The following CEP120 variants were observed in gnomAD, a reference collection of about 807,000 sequenced individuals.
CEP120 encodes the protein centrosomal protein 120.
Under a neutral mutation model 126.5 loss-of-function variants are expected in CEP120, and 113 were observed. The ratio of observed to expected loss-of-function variants is 0.89; its 90% CI spans 0.77 to 1.04. The LOEUF (loss-of-function observed/expected upper bound fraction) is 1.04, where lower values mean the gene tolerates loss of function less well. Among genes scored for constraint, CEP120 ranks in the 50% least tolerant of loss-of-function variants. The pLI, the probability that CEP120 is intolerant of heterozygous loss-of-function variation, is 0.00. For missense variants in CEP120, 1,230 were observed against 1,155.7 expected (o/e 1.06, Z -0.93); for synonymous variants, 400 against 394.3 (o/e 1.01, Z -0.17).
At chr5:123,401,968 G>A (rs1378553440) in intron 4 of CEP120, 11 of 1,598,752 alleles carry the variant, frequency 6.9e-6, no homozygotes, top group Non-Finnish European at 9.4e-6. Flanking sequence ...TGCTGCTGCA[G>A]GAGGCTCCAC....
At chr5:123,353,471 C>G (rs1769347099) in intron 18 of CEP120, among the ~76,000 whole-genome samples, 1 of 150,908 alleles carries the variant, frequency 6.6e-6, no homozygotes, top group Admixed American at 6.6e-5. Context: ...TTAATTTTGT[C>G]CTTGTAAGCT....
intron 17 of CEP120, among the ~76,000 whole-genome samples, chr5:123,370,760 T>C (rs1397377769): frequency 6.8e-6 from 1 of 147,890 alleles, no homozygotes; most frequent in South Asian, 2.1e-4. Context: ...ATATATATTT[T>C]ATATATATAT....
chr5:123,384,432 C>G (rs905964161), intron 11 of CEP120, among the ~76,000 whole-genome samples: 1 of 151,786 alleles, frequency 6.6e-6, no homozygotes, highest in Non-Finnish European at 1.5e-5. Flanking sequence ...TAAAAAAACG[C>G]AAGTTTTTCT....
rs746550279 is a variant in CEP120 at position 123,350,020 on chromosome 5, A to G, written c.2650T>C (p.Tyr884His). Residue 884 changes from tyrosine (Y) to histidine (H), a missense_variant, in exon 19 of 20, where the codon TAC (tyrosine) becomes CAC (histidine). Transcript: ENST00000306467. ...GTATCTTTTTCCTCAGCGGCAAGGTAACGTAGTCTCATCTGTTCCAATTCT... is the reference window on the plus strand; with the variant it reads ...GTATCTTTTTCCTCAGCGGCAAGGTGACGTAGTCTCATCTGTTCCAATTCT... ...QEELEQMRLR[Y>H]LAAEEKDTVK... 4 of 1,613,628 alleles carry G rather than the reference A, an allele frequency of 2.5e-6. No individual in the cohort carries two copies. In the Admixed American group the frequency reaches 6.7e-5, roughly 27 times the overall value.
chr5:123,396,424 G>A (rs971261979), intron 5 of CEP120, among the ~76,000 whole-genome samples: 1 of 150,850 alleles, frequency 6.6e-6, no homozygotes, highest in African/African-American at 2.4e-5. Flanking sequence ...ATCAACCTGT[G>A]TGTTTTTTTT....
intron 5 of CEP120, among the ~76,000 whole-genome samples, chr5:123,394,027 G>A (rs1296927732): frequency 6.6e-6 from 1 of 152,188 alleles, no homozygotes; most frequent in Non-Finnish European, 1.5e-5. Flanking sequence ...TGTACTATGA[G>A]TGTTACTTTT....
chr5:123,385,151 A>G lies in CEP120; in HGVS notation c.1581-18T>C, dbSNP rs999646323. On this transcript the variant is annotated intron_variant, in intron 10 of 19. Coordinates refer to ENST00000306467, the MANE Select transcript of CEP120 (RefSeq NM_001375405.1). Reference sequence around the variant, plus strand: ...ATGGAATCCTAAGGAAGAGAGAAACATGTGTTCATACCTATCAACTCTGAC... The same window carrying G: ...ATGGAATCCTAAGGAAGAGAGAAACGTGTGTTCATACCTATCAACTCTGAC... 6.3e-7 allele frequency: 1 copy of G among 1,597,320 alleles called. No individual in the cohort carries two copies. The highest frequency in any genetic ancestry group is 1.1e-5 in the South Asian group (1 of 89,324).
In CEP120 at chr5:123,382,201, C is replaced by A; in HGVS notation, c.2014-1G>T. The A allele has an allele frequency of 6.3e-7, 1 of 1,595,380 alleles. No individual in the cohort carries two copies. Among genetic ancestry groups the A allele is most frequent in the Non-Finnish European group, 8.5e-7 (1 of 1,171,388 alleles). Reference sequence around the variant, plus strand: ...TATGAGCCAGTTCTTTCTGCTTCAGCTACAAAAGGAAGAAAAATAAAGTCG... The same window carrying A: ...TATGAGCCAGTTCTTTCTGCTTCAGATACAAAAGGAAGAAAAATAAAGTCG... On this transcript the variant is annotated splice_acceptor_variant, in intron 13 of 19. Coordinates refer to ENST00000306467, the MANE Select transcript of CEP120 (RefSeq NM_001375405.1). LOFTEE classifies it high-confidence loss of function.
At chr5:123,355,183 C>T (rs1048222218) in intron 18 of CEP120, among the ~76,000 whole-genome samples, 4 of 152,234 alleles carry the variant, frequency 2.6e-5, no homozygotes, top group Non-Finnish European at 4.4e-5. Flanking sequence ...TCCAGTCTAT[C>T]GTTGTTGGAC....
In CEP120 at chr5:123,377,371, A is replaced by C. The variant is rs373782883; in HGVS notation, c.2358+3T>G. ...TAAAAAGATGACAAGTACGTTATCC[A>C]ACCTGTTGCTGAAGGCGGTGTTTAT... On this transcript the variant is annotated splice_donor_region_variant and intron_variant, in intron 16 of 19. Coordinates refer to ENST00000306467, the MANE Select transcript of CEP120 (RefSeq NM_001375405.1). 41 of 1,605,614 alleles carry C rather than the reference A, an allele frequency of 2.6e-5. 1 individual carries two copies. In the Middle Eastern group the frequency reaches 1.3e-3, roughly 52 times the overall value.
At chr5:123,372,838 A>G in intron 16 of CEP120, 66 bp from the exon 17 acceptor site, 2 of 1,323,162 alleles carry the variant, frequency 1.5e-6, no homozygotes, top group Non-Finnish European at 2.1e-6. Flanking sequence ...AAAGTATTCA[A>G]TTCAACAAGG....
intron 5 of CEP120, among the ~76,000 whole-genome samples, chr5:123,397,052 G>A (rs1772839408): frequency 6.6e-6 from 1 of 152,256 alleles, no homozygotes; most frequent in African/African-American, 2.4e-5. Context: ...AGCTGGGCAT[G>A]GTGGCTCATG....
intron 18 of CEP120, among the ~76,000 whole-genome samples, chr5:123,361,066 C>T (rs1484694874): frequency 3.3e-5 from 5 of 151,624 alleles, no homozygotes; most frequent in South Asian, 2.1e-4. Context: ...AGAGAAAATG[C>T]CCTAACCAAT....
upstream of CEP120, chr5:123,423,440 C>G (rs1774861319): frequency 5.6e-6 from 1 of 178,678 alleles, no homozygotes; most frequent in Non-Finnish European, 1.2e-5. Context: ...CTAGAACGCC[C>G]GTCAGCGAGC....
rs375395610 is a variant in CEP120 at position 123,350,303 on chromosome 5, T to A, written c.2581-214A>T. On this transcript the variant is annotated intron_variant, in intron 18 of 19. Transcript: ENST00000306467. The stretch of plus-strand genomic sequence containing the variant: ...AACGAAGCACACTACAGCCACAGAC[T>A]ACTAGGTTCAAGCAATCCTCCTGCT... Among the ~76,000 whole-genome samples the A allele has an allele frequency of 3.9e-5, 6 of 152,214 alleles. No individual in the cohort carries two copies. In the East Asian group the frequency reaches 9.7e-4, roughly 25 times the overall value.
At chr5:123,414,475 T>G (rs536824959) in intron 3 of CEP120, among the ~76,000 whole-genome samples, 4 of 152,154 alleles carry the variant, frequency 2.6e-5, no homozygotes, top group African/African-American at 4.8e-5. Context: ...AAAATATTAG[T>G]AAAAGATAAG....
chr5:123,386,514 T>C lies in CEP120; in HGVS notation c.1580+4A>G. 6.5e-7 allele frequency: 1 copy of C among 1,543,504 alleles called. No individual in the cohort carries two copies. Among genetic ancestry groups the C allele is most frequent in the South Asian group, 1.3e-5 (1 of 78,488 alleles). On this transcript the variant is annotated splice_donor_region_variant and intron_variant, in intron 10 of 19. Transcript: ENST00000306467. ...TAATATCATACATACACTGTATGCA[T>C]TACCTTAAGAAGGTGTCTTGCAGCT... is the stretch of plus-strand genomic sequence containing the variant.
At chr5:123,348,288 A>T (rs1210339378) in intron 19 of CEP120, among the ~76,000 whole-genome samples, 1 of 152,224 alleles carries the variant, frequency 6.6e-6, no homozygotes, top group Non-Finnish European at 1.5e-5. Flanking sequence ...ATTGTATATG[A>T]TCTACAAATT....
chr5:123,369,956 A>C (rs544587681), intron 17 of CEP120, among the ~76,000 whole-genome samples: 44 of 152,120 alleles, frequency 2.9e-4, no homozygotes, highest in Admixed American at 1.6e-3. Context: ...CAGCAACTTA[A>C]CATCTCAAAA....
Sources: gnomAD v4.1 joint callset for allele counts (sites outside exome capture counted in the v4.1 genomes callset) on GRCh38, gnomAD v4.1.1 for gene constraint, MANE v1.5 for transcripts, NCBI Gene and HGNC (gene_info 2026-07-23, HGNC 2026-07-21) for gene names.